Variants in ZFYVE9 observed in about 807,000 individuals in gnomAD.
ZFYVE9 encodes zinc finger FYVE domain-containing protein 9.
A neutral mutation model predicts 126.7 loss-of-function variants in ZFYVE9; 43 were observed. The ratio of observed to expected loss-of-function variants is 0.34; its 90% CI spans 0.27 to 0.44. The LOEUF (loss-of-function observed/expected upper bound fraction) is 0.44, where lower values mean the gene tolerates loss of function less well. ZFYVE9 is among the 20% of genes least tolerant of loss of function. The pLI is 1.00. For missense variants in ZFYVE9, 1,476 were observed against 1,697.0 expected (o/e 0.87, Z 2.29); for synonymous variants, 521 against 597.4 (o/e 0.87, Z 1.87).
At chr1:52,175,157 C>T (rs1261696323) in intron 1 of ZFYVE9, among the ~76,000 whole-genome samples, 1 of 151,854 alleles carries the variant, frequency 6.6e-6, no homozygotes, top group African/African-American at 2.4e-5. Context: ...TGTTCCTTTC[C>T]ATGTTTAGTG....
chr1:52,296,057 G>T lies in ZFYVE9; in HGVS notation c.3333+80G>T, dbSNP rs919349305. ...AAGAAAGCAATTTTATTATTTTCTT[G>T]GTAGCTGTGCCCAAGCTGCTTAAGG... On this transcript the variant is annotated intron_variant, in intron 12 of 18. Transcript: ENST00000287727. The T allele has an allele frequency of 5.3e-6, 7 of 1,324,034 alleles. No homozygotes were observed. The African/African-American group carries it at 1.0e-4, about 19-fold the overall frequency. The allele number at this position is 1,324,034 out of a possible 1,614,324, so 82.0% of individuals were successfully genotyped here. A position where few individuals can be genotyped will look rare whatever the true frequency, so the allele number is the denominator to read the frequency against.
intron 10 of ZFYVE9, among the ~76,000 whole-genome samples, chr1:52,284,071 C>T (rs562653539): frequency 3.3e-5 from 5 of 152,254 alleles, no homozygotes; most frequent in South Asian, 2.1e-4. Context: ...TCAGATTCCT[C>T]GCTTGAGCAC....
intron 1 of ZFYVE9, among the ~76,000 whole-genome samples, chr1:52,168,214 CTTTTT>C (rs139943554): frequency 0.021 from 2,376 of 114,996 alleles, 45 homozygotes; most frequent in African/African-American, 0.078. Flanking sequence ...TCTTCGTCTT[CTTTTT>C]TTTTTTTTTT....
At chr1:52,161,538 G>A (rs1353758175) in intron 1 of ZFYVE9, among the ~76,000 whole-genome samples, 1 of 152,086 alleles carries the variant, frequency 6.6e-6, no homozygotes, top group African/African-American at 2.4e-5. Context: ...CAATCCGCCT[G>A]CCTCAGCCTC....
intron 1 of ZFYVE9, among the ~76,000 whole-genome samples, chr1:52,197,292 TATAGAGA>T (rs1644869398): frequency 6.6e-6 from 1 of 152,036 alleles, no homozygotes; most frequent in African/African-American, 2.4e-5. Context: ...GGGTAGATGA[TATAGAGA>T]ATAGAGAAGA....
At chr1:52,203,260 C>T (rs1444815440) in intron 1 of ZFYVE9, among the ~76,000 whole-genome samples, 1 of 152,030 alleles carries the variant, frequency 6.6e-6, no homozygotes, top group East Asian at 1.9e-4. Flanking sequence ...CGGTTAACCT[C>T]AACCTCCACC....
At chr1:52,148,080 T>G (rs1644320907) in intron 1 of ZFYVE9, among the ~76,000 whole-genome samples, 1 of 151,042 alleles carries the variant, frequency 6.6e-6, no homozygotes, top group South Asian at 2.2e-4. Context: ...ATGCTCCTGG[T>G]TAATAACTTT....
intron 3 of ZFYVE9, among the ~76,000 whole-genome samples, chr1:52,236,013 T>C (rs1645270183): frequency 6.6e-6 from 1 of 152,164 alleles, no homozygotes; most frequent in Admixed American, 6.5e-5. Flanking sequence ...TTGGCTTCTT[T>C]ATACAGTGAG....
chr1:52,292,558 G>A (rs1645932764), intron 10 of ZFYVE9, among the ~76,000 whole-genome samples: 2 of 136,444 alleles, frequency 1.5e-5, no homozygotes, highest in African/African-American at 2.8e-5. Flanking sequence ...TGCAACCTCC[G>A]CCTCCCAGGT....
intron 2 of ZFYVE9, among the ~76,000 whole-genome samples, chr1:52,217,534 G>A (rs1645083643): frequency 6.6e-6 from 1 of 152,102 alleles, no homozygotes; most frequent in Admixed American, 6.5e-5. Flanking sequence ...GGAGAGGTTG[G>A]GGAGGTTTTT....
At chr1:52,327,923 A>G (rs1011530367) in intron 13 of ZFYVE9, among the ~76,000 whole-genome samples, 46 of 151,690 alleles carry the variant, frequency 3.0e-4, no homozygotes, top group African/African-American at 9.2e-4. Flanking sequence ...GCAGTGAGCC[A>G]GGACCACACC....
At chr1:52,223,090 T>C (rs550746111) in intron 2 of ZFYVE9, among the ~76,000 whole-genome samples, 1 of 152,142 alleles carries the variant, frequency 6.6e-6, no homozygotes, top group Non-Finnish European at 1.5e-5. Flanking sequence ...TATCTCTGAT[T>C]TGGGTCCCAC....
intron 10 of ZFYVE9, among the ~76,000 whole-genome samples, chr1:52,290,948 C>T (rs1455394546): frequency 2.0e-5 from 3 of 152,176 alleles, no homozygotes; most frequent in Non-Finnish European, 2.9e-5. Context: ...AGAGAAGTAA[C>T]TTGCCCCAGA....
chr1:52,272,535 T>A (rs1044318807), intron 7 of ZFYVE9, among the ~76,000 whole-genome samples: 2 of 152,236 alleles, frequency 1.3e-5, no homozygotes, highest in Admixed American at 6.5e-5. Context: ...TCCATATGCA[T>A]CAAAAATTAA....
In ZFYVE9 at chr1:52,333,668, G is replaced by A. The variant is rs139513493; in HGVS notation, c.3589+750G>A. Among the ~76,000 whole-genome samples the A allele has an allele frequency of 8.5e-5, 13 of 152,154 alleles. No homozygotes were observed. In the East Asian group the frequency reaches 1.4e-3, roughly 16 times the overall value. On this transcript the variant is annotated intron_variant, in intron 14 of 18. Transcript: ENST00000287727. ...TAATAGATTTAATCTAAGAAACCCCGTGTTAGGCCAGCCGCGGTGGCTCAT... is the reference window on the plus strand; with the variant it reads ...TAATAGATTTAATCTAAGAAACCCCATGTTAGGCCAGCCGCGGTGGCTCAT...
chr1:52,327,773 A>G (rs2147865430), intron 13 of ZFYVE9, among the ~76,000 whole-genome samples: 1 of 152,172 alleles, frequency 6.6e-6, no homozygotes, highest in Middle Eastern at 3.4e-3. Context: ...CAGGAGTTTG[A>G]GACCAGCCTG....
chr1:52,291,385 T>C (rs938647036), intron 10 of ZFYVE9, among the ~76,000 whole-genome samples: 2 of 152,166 alleles, frequency 1.3e-5, no homozygotes, highest in African/African-American at 4.8e-5. Flanking sequence ...GATTGCTTCA[T>C]TGGGTGTTAT....
At chr1:52,156,311 G>A (rs1644402870) in intron 1 of ZFYVE9, among the ~76,000 whole-genome samples, 1 of 152,132 alleles carries the variant, frequency 6.6e-6, no homozygotes. Flanking sequence ...GCTGCTACTT[G>A]TTTGAGCTTG....
At chr1:52,156,796 T>C (rs1644406674) in intron 1 of ZFYVE9, among the ~76,000 whole-genome samples, 1 of 152,158 alleles carries the variant, frequency 6.6e-6, no homozygotes, top group South Asian at 2.1e-4. Context: ...CCATAGTCTT[T>C]GAAATGTCTG....
Sources: gnomAD v4.1 joint callset for allele counts (sites outside exome capture counted in the v4.1 genomes callset) on GRCh38, gnomAD v4.1.1 for gene constraint, MANE v1.5 for transcripts, NCBI Gene and HGNC (gene_info 2026-07-23, HGNC 2026-07-21) for gene names.